The following CACNA1B variants were observed in gnomAD, a reference collection of about 807,000 sequenced individuals.
CACNA1B encodes voltage-dependent N-type calcium channel subunit alpha-1B.
A neutral mutation model predicts 247.2 loss-of-function variants in CACNA1B; 70 were observed. The ratio of observed to expected loss-of-function variants is 0.28; its 90% CI spans 0.23 to 0.35. The LOEUF is 0.35. Among genes scored for constraint, CACNA1B ranks in the 10% least tolerant of loss-of-function variants. The pLI is 1.00. For synonymous variants in CACNA1B, 1,231 were observed against 1,294.4 expected, an observed-to-expected ratio of 0.95 and a Z score of 1.05; for missense variants, 2,367 against 3,197.4, an observed-to-expected ratio of 0.74 and a Z score of 6.26.
At chr9:137,929,807 C>T (rs528727535) in intron 6 of CACNA1B, among the ~76,000 whole-genome samples, 30 of 152,116 alleles carry the variant, frequency 2.0e-4, no homozygotes, top group Admixed American at 1.8e-3. Flanking sequence ...GTGCACACTG[C>T]CAAGCCTGGC....
In CACNA1B at chr9:138,047,382, C is replaced by G; in HGVS notation, c.3544-17C>G. 1 of 1,596,066 alleles carries G rather than the reference C, an allele frequency of 6.3e-7. No individual in the cohort carries two copies. Among genetic ancestry groups the G allele is most frequent in the Non-Finnish European group, 8.6e-7 (1 of 1,163,592 alleles). On this transcript the variant is annotated splice_polypyrimidine_tract_variant and intron_variant, in intron 22 of 46. Coordinates refer to ENST00000371372, the MANE Select transcript of CACNA1B (RefSeq NM_000718.4). ...TTTCAGCCCAGCCTTTGAGAATAAC[C>G]TTCCTTTTGGTTTCAGGCTCTGAAA...
Position 138,102,847 on chromosome 9 carries a change from G to A in CACNA1B, c.5319+40G>A, listed in dbSNP as rs1193642371. ...TGCAACCCGCCCCCCAGGAGGCTGTGTGTGCTTGCTGAGGGGTGCTTGCTG... is the reference window on the plus strand; with the variant it reads ...TGCAACCCGCCCCCCAGGAGGCTGTATGTGCTTGCTGAGGGGTGCTTGCTG... On this transcript the variant is annotated intron_variant, in intron 38 of 46. Coordinates refer to ENST00000371372, the MANE Select transcript of CACNA1B (RefSeq NM_000718.4). The surrounding 1 kb of genome is among the most constrained non-coding windows in gnomAD (Gnocchi z 5.4). 1.5e-6 allele frequency: 2 copies of A among 1,341,298 alleles called. No homozygotes were observed. The highest frequency in any genetic ancestry group is 1.2e-5 in the South Asian group (1 of 80,816). The allele number at this position is 1,341,298 out of a possible 1,614,324, so 83.1% of individuals were successfully genotyped here.
chr9:137,943,507 C>T (rs966804338), intron 6 of CACNA1B, among the ~76,000 whole-genome samples: 4 of 151,916 alleles, frequency 2.6e-5, no homozygotes, highest in African/African-American at 9.7e-5. Flanking sequence ...ACTTCATTGG[C>T]CTTCTGTGTT....
chr9:138,086,592 A>G (rs941809097), intron 36 of CACNA1B, among the ~76,000 whole-genome samples: 13 of 151,482 alleles, frequency 8.6e-5, no homozygotes, highest in African/African-American at 2.7e-4. Flanking sequence ...AAAGGAATCA[A>G]TTCAGCAAGA....
At chr9:137,878,255 GA>G in intron 1 of CACNA1B, 38 bp downstream of exon 1, 3 of 738,744 alleles carry the variant, frequency 4.1e-6, no homozygotes, top group Non-Finnish European at 3.5e-6. Flanking sequence ...GCCGGGCGGG[GA>G]CCGGGGTGGG....
intron 31 of CACNA1B, among the ~76,000 whole-genome samples, chr9:138,068,027 T>C (rs1197007608): frequency 6.6e-6 from 1 of 152,238 alleles, no homozygotes; most frequent in Non-Finnish European, 1.5e-5. Flanking sequence ...GGTTTCTGTG[T>C]GTGCACCCCT....
intron 15 of CACNA1B, among the ~76,000 whole-genome samples, chr9:137,991,134 G>C (rs1483894132): frequency 6.6e-6 from 1 of 152,148 alleles, no homozygotes; most frequent in African/African-American, 2.4e-5. Flanking sequence ...CAATTATTAA[G>C]CTAATCAAGG....
At chr9:138,099,574 G>T (rs1458425343) in intron 37 of CACNA1B, among the ~76,000 whole-genome samples, 1 of 150,868 alleles carries the variant, frequency 6.6e-6, no homozygotes, top group Non-Finnish European at 1.5e-5. Context: ...TGGTGCGTAT[G>T]TGCCTGTGTG....
rs1221819259 is a variant in CACNA1B, at chr9:138,123,328, G to A, written c.*1329G>A. The A allele has an allele frequency of 6.6e-6, 1 of 152,322 alleles. No individual in the cohort carries two copies. Among genetic ancestry groups the A allele is most frequent in the African/African-American group, 2.4e-5 (1 of 41,440 alleles). The allele number at this position is 152,322 out of a possible 1,614,324, so 9.4% of individuals were successfully genotyped here. A position where few individuals can be genotyped will look rare whatever the true frequency, so the allele number is the denominator to read the frequency against. On this transcript the variant is annotated 3_prime_UTR_variant, in exon 47 of 47. Coordinates refer to ENST00000371372, the MANE Select transcript of CACNA1B (RefSeq NM_000718.4). ...AGCACTGTCCTGGCGCCAGACACAG[G>A]GAGCAGGCAGTCAAGTGAGGTCTGA...
At chr9:137,923,880 C>G (rs1020841178) in intron 6 of CACNA1B, among the ~76,000 whole-genome samples, 1 of 152,162 alleles carries the variant, frequency 6.6e-6, no homozygotes, top group Non-Finnish European at 1.5e-5. Flanking sequence ...ATTCGCATGT[C>G]CTAACAGTGA....
intron 36 of CACNA1B, among the ~76,000 whole-genome samples, chr9:138,087,950 A>G (rs72769092): frequency 0.013 from 1,935 of 152,222 alleles, 10 homozygotes; most frequent in Admixed American, 0.017. Context: ...TTAATGATGC[A>G]TCTCAAGGAA....
Position 137,954,879 on chromosome 9 carries a change from T to TGTGTGTGTGTGTGTGTGTGTGTGA in CACNA1B, c.1071-818_1071-817insTGTGTGTGTGTGTGTGTGTGTGAG, listed in dbSNP as rs1440887333. Among the ~76,000 whole-genome samples the TGTGTGTGTGTGTGTGTGTGTGTGA allele has an allele frequency of 7.7e-4, 112 of 145,268 alleles. No individual in the cohort carries two copies. Among genetic ancestry groups the TGTGTGTGTGTGTGTGTGTGTGTGA allele is most frequent in the African/African-American group, 2.7e-3 (104 of 38,716 alleles). On this transcript the variant is annotated intron_variant, in intron 7 of 46. Coordinates refer to ENST00000371372, the MANE Select transcript of CACNA1B (RefSeq NM_000718.4). The surrounding 1 kb of genome is among the most constrained non-coding windows in gnomAD (Gnocchi z 4.1). ...GCTTGTGTGTGTGTGTGTGTGTGTGTGAGAGAGAGAGAGAGAGAGAGAGGG... is the reference window on the plus strand; with the variant it reads ...GCTTGTGTGTGTGTGTGTGTGTGTGTGTGTGTGTGTGTGTGTGTGTGTGAGAGAGAGAGAGAGAGAGAGAGAGGG...
intron 36 of CACNA1B, among the ~76,000 whole-genome samples, chr9:138,085,683 A>C (rs369547470): frequency 1.3e-5 from 2 of 151,542 alleles, no homozygotes; most frequent in South Asian, 2.1e-4. Flanking sequence ...GACTGAAAGC[A>C]GATTTCTCTG....
intron 36 of CACNA1B, among the ~76,000 whole-genome samples, chr9:138,094,452 A>G (rs1328153717): frequency 6.8e-6 from 1 of 146,046 alleles, no homozygotes; most frequent in African/African-American, 2.5e-5. Flanking sequence ...TAAAAAAAAA[A>G]AAAAAAAGAA....
chr9:137,929,091 G>T lies in CACNA1B; in HGVS notation c.966+11660G>T, dbSNP rs75147559. Among the ~76,000 whole-genome samples the T allele has an allele frequency of 2.8e-3, 422 of 152,148 alleles. 6 individuals carry two copies. The East Asian group carries it at 0.043, about 15-fold the overall frequency. On this transcript the variant is annotated intron_variant, in intron 6 of 46. Transcript: ENST00000371372. ...AAGGAATATGTTTTCATTTCTCTTGGGTATGGACCTAGGATTGGAATTACT... is the reference window on the plus strand; with the variant it reads ...AAGGAATATGTTTTCATTTCTCTTGTGTATGGACCTAGGATTGGAATTACT...
Position 138,120,198 on chromosome 9 carries a change from A to G in CACNA1B, c.6064A>G (p.Ile2022Val). 6.2e-6 allele frequency: 10 copies of G among 1,607,990 alleles called. No homozygotes were observed. Among genetic ancestry groups the G allele is most frequent in the Non-Finnish European group, 8.5e-6 (10 of 1,178,010 alleles). Residue 2022 changes from isoleucine to valine, a missense_variant, in exon 45 of 47, where the codon ATC becomes GTC. Around this residue, in one of 12 missense-constraint regions of CACNA1B, gnomAD observed 773 missense variants for 779.4 expected, o/e 0.99. Coordinates refer to ENST00000371372, the MANE Select transcript of CACNA1B (RefSeq NM_000718.4). ...VTDASPMKRSISTLAQRPRGT... is the reference protein window; with the variant it reads ...VTDASPMKRSVSTLAQRPRGT... Reference sequence around the variant, plus strand: ...AGATGCCAGCCCCATGAAGCGCTCCATCTCCACGCTGGCCCAGCGGCCCCG... The same window carrying G: ...AGATGCCAGCCCCATGAAGCGCTCCGTCTCCACGCTGGCCCAGCGGCCCCG...
chr9:137,884,193 C>G (rs1956969465), intron 3 of CACNA1B, among the ~76,000 whole-genome samples: 1 of 152,162 alleles, frequency 6.6e-6, no homozygotes, highest in Non-Finnish European at 1.5e-5. Flanking sequence ...AAGGCTCAGC[C>G]CCCAGAGCTG....
rs541460952 is a variant in CACNA1B at position 138,097,299 on chromosome 9, G to A, written c.5222+688G>A. Reference sequence around the variant, plus strand: ...TGCCTTTCCAGACAGAGGAGGAGTCGCATGAAGGGCATGGTTTGGGTCAGA... The same window carrying A: ...TGCCTTTCCAGACAGAGGAGGAGTCACATGAAGGGCATGGTTTGGGTCAGA... On this transcript the variant is annotated intron_variant, in intron 37 of 46. Coordinates refer to ENST00000371372, the MANE Select transcript of CACNA1B (RefSeq NM_000718.4). Among the ~76,000 whole-genome samples the A allele has an allele frequency of 3.9e-5, 6 of 152,210 alleles. No homozygotes were observed. In the South Asian group the frequency reaches 8.3e-4, roughly 21 times the overall value.
chr9:138,055,627 T>A (rs1409773647), intron 26 of CACNA1B, among the ~76,000 whole-genome samples: 1 of 152,228 alleles, frequency 6.6e-6, no homozygotes, highest in Non-Finnish European at 1.5e-5. Context: ...ACATAAGGTA[T>A]GGGTTAAGAT....
Sources: gnomAD v4.1 joint callset for allele counts (sites outside exome capture counted in the v4.1 genomes callset) on GRCh38, gnomAD v4.1.1 for gene constraint, gnomAD v4.1.1 regional missense constraint, Gnocchi (gnomAD v3.1) non-coding constraint, MANE v1.5 for transcripts, NCBI Gene and HGNC (gene_info 2026-07-23, HGNC 2026-07-21) for gene names.